The following ADAM10 variants were observed in gnomAD, a reference collection of about 807,000 sequenced individuals.
ADAM10 encodes disintegrin and metalloproteinase domain-containing protein 10.
Under a neutral mutation model 90.1 loss-of-function variants are expected in ADAM10, and 17 were observed. The ratio of observed to expected loss-of-function variants is 0.19; its 90% CI spans 0.13 to 0.28. The LOEUF (loss-of-function observed/expected upper bound fraction) is 0.28, where lower values mean the gene tolerates loss of function less well. Ranked by LOEUF, ADAM10 falls within the 10% of genes least tolerant of loss-of-function variation. The pLI is 1.00. For synonymous variants in ADAM10, 310 were observed against 298.6 expected (o/e 1.04, Z -0.40); for missense variants, 610 against 914.3 (o/e 0.67, Z 4.29).
intron 5 of ADAM10, among the ~76,000 whole-genome samples, chr15:58,654,868 T>C (rs1376701631): frequency 3.9e-5 from 6 of 152,238 alleles, no homozygotes; most frequent in Non-Finnish European, 8.8e-5. Flanking sequence ...CCTGATATTA[T>C]TTCAATTTTT....
At chr15:58,602,156 T>A (rs1895129175) in intron 14 of ADAM10, among the ~76,000 whole-genome samples, 1 of 152,194 alleles carries the variant, frequency 6.6e-6, no homozygotes, top group Non-Finnish European at 1.5e-5. Flanking sequence ...TTTATAAATA[T>A]ATAATCAATT....
intron 2 of ADAM10, among the ~76,000 whole-genome samples, chr15:58,702,156 G>A (rs1442100160): frequency 6.6e-6 from 1 of 152,042 alleles, no homozygotes; most frequent in Admixed American, 6.6e-5. Flanking sequence ...AATATGAATG[G>A]AACTAGAGGT....
chr15:58,714,292 T>TACATACACATAC (rs1555421243), intron 2 of ADAM10, among the ~76,000 whole-genome samples: 3 of 142,914 alleles, frequency 2.1e-5, no homozygotes, highest in Non-Finnish European at 4.6e-5. Flanking sequence ...TACATACACA[T>TACATACACATAC]ACACACACAC....
At chr15:58,667,547 A>G (rs1596047105) in intron 4 of ADAM10, among the ~76,000 whole-genome samples, 1 of 152,160 alleles carries the variant, frequency 6.6e-6, no homozygotes, top group South Asian at 2.1e-4. Context: ...ATAATATGCC[A>G]TGAATCACCA....
At chr15:58,619,725 A>T (rs1162929291) in intron 11 of ADAM10, among the ~76,000 whole-genome samples, 1 of 152,062 alleles carries the variant, frequency 6.6e-6, no homozygotes, top group Non-Finnish European at 1.5e-5. Flanking sequence ...TAACAAGGTG[A>T]AAGCCCATCT....
intron 1 of ADAM10, among the ~76,000 whole-genome samples, chr15:58,744,788 T>C (rs542178840): frequency 2.6e-5 from 4 of 152,346 alleles, no homozygotes; most frequent in South Asian, 2.1e-4. Flanking sequence ...GGTTGGAGAA[T>C]TGCTTAAAGC....
intron 2 of ADAM10, among the ~76,000 whole-genome samples, chr15:58,706,359 G>T (rs1253627355): frequency 6.6e-6 from 1 of 152,066 alleles, no homozygotes; most frequent in Non-Finnish European, 1.5e-5. Context: ...CTGGGTTAGT[G>T]GTTACTAGGA....
chr15:58,605,197 T>C (rs924891609), intron 14 of ADAM10, among the ~76,000 whole-genome samples: 5 of 152,200 alleles, frequency 3.3e-5, no homozygotes, highest in Non-Finnish European at 5.9e-5. Flanking sequence ...TAATAAAATA[T>C]GGCACTCAAG....
rs1241630348 is a variant in ADAM10, at chr15:58,686,554, G to C, written c.207-4240C>G. On this transcript the variant is annotated intron_variant, in intron 2 of 15. Coordinates refer to ENST00000260408, the MANE Select transcript of ADAM10 (RefSeq NM_001110.4). ...TGCAGAATGCCTGCAAGGATGCCCT[G>C]CTGGTGGGTGTTCTAGCTGGAAGTA... is the stretch of plus-strand genomic sequence containing the variant. The C allele has an allele frequency of 2.2e-6, 3 of 1,375,872 alleles. No homozygotes were observed. In the Admixed American group the frequency reaches 5.3e-5, roughly 24 times the overall value. The allele number at this position is 1,375,872 out of a possible 1,614,324, so 85.2% of individuals were successfully genotyped here. A position where few individuals can be genotyped will look rare whatever the true frequency, so the allele number is the denominator to read the frequency against.
intron 5 of ADAM10, among the ~76,000 whole-genome samples, chr15:58,659,729 T>C (rs184896132): frequency 7.8e-4 from 119 of 152,254 alleles, no homozygotes; most frequent in Non-Finnish European, 1.4e-3. Context: ...TGTTATGAAG[T>C]TTTCTCTTTC....
Position 58,646,037 on chromosome 15 carries a change from G to C in ADAM10, c.735+18C>G. On this transcript the variant is annotated intron_variant, in intron 6 of 15. Transcript: ENST00000260408. ...AAACAATATGGGAACTACTAAAATA[G>C]CGCATAATCATAAATACCTGGGCAA... The C allele has an allele frequency of 6.2e-7, 1 of 1,612,294 alleles. No homozygotes were observed. The highest frequency in any genetic ancestry group is 1.1e-5 in the South Asian group (1 of 90,994).
chr15:58,685,285 C>T (rs1897558303), intron 2 of ADAM10, among the ~76,000 whole-genome samples: 1 of 150,712 alleles, frequency 6.6e-6, no homozygotes. Flanking sequence ...CACAGTGAAA[C>T]CCCATCTCTA....
At chr15:58,740,581 T>A (rs1899579161) in intron 1 of ADAM10, among the ~76,000 whole-genome samples, 1 of 152,232 alleles carries the variant, frequency 6.6e-6, no homozygotes, top group Non-Finnish European at 1.5e-5. Context: ...TTATTTATTT[T>A]TGGCATAGAA....
intron 5 of ADAM10, among the ~76,000 whole-genome samples, chr15:58,649,596 C>T (rs1402562755): frequency 1.3e-5 from 2 of 152,170 alleles, no homozygotes; most frequent in African/African-American, 4.8e-5. Context: ...ATGGCAGTTT[C>T]TCTGTTTCAG....
chr15:58,670,838 GATCA>G (rs1419719774), intron 4 of ADAM10, among the ~76,000 whole-genome samples: 2 of 152,072 alleles, frequency 1.3e-5, no homozygotes, highest in East Asian at 1.9e-4. Flanking sequence ...TGTCAGCCAT[GATCA>G]ATCAAGATAT....
intron 2 of ADAM10, among the ~76,000 whole-genome samples, chr15:58,683,510 A>T (rs1897500555): frequency 6.6e-6 from 1 of 152,158 alleles, no homozygotes; most frequent in Admixed American, 6.5e-5. Flanking sequence ...TGTATCTTAC[A>T]TATACTTGCA....
intron 5 of ADAM10, chr15:58,655,343 G>A (rs1221898367): frequency 6.5e-6 from 1 of 154,162 alleles, no homozygotes; most frequent in Non-Finnish European, 1.5e-5. Context: ...GTCTCAGGAA[G>A]CTTATAAGCA....
chr15:58,645,949 A>G, intron 6 of ADAM10, 106 bp downstream of exon 6: 2 of 1,248,804 alleles, frequency 1.6e-6, no homozygotes, highest in Non-Finnish European at 1.2e-6. Context: ...CTGAAAACAC[A>G]TACTTTTTCC....
chr15:58,702,877 C>G (rs1375186970), intron 2 of ADAM10, among the ~76,000 whole-genome samples: 1 of 152,010 alleles, frequency 6.6e-6, no homozygotes, highest in East Asian at 1.9e-4. Context: ...GAAGCCAGAA[C>G]AAATTAAAGA....
Sources: allele counts gnomAD v4.1 joint callset (sites outside exome capture counted in the v4.1 genomes callset), GRCh38; gene constraint gnomAD v4.1.1; transcripts MANE v1.5; gene names NCBI Gene and HGNC (gene_info 2026-07-23, HGNC 2026-07-21).